HMGA2: variants seen among roughly 807,000 people sequenced by gnomAD.
HMGA2 encodes high mobility group protein HMGI-C.
A neutral mutation model predicts 19.1 loss-of-function variants in HMGA2; 8 were observed. The ratio of observed to expected loss-of-function variants is 0.42; its 90% CI spans 0.25 to 0.76. HMGA2 has a LOEUF of 0.76. Ranked by LOEUF, HMGA2 falls within the 30% of genes least tolerant of loss-of-function variation. The pLI is 0.28. For synonymous variants in HMGA2, 60 were observed against 48.8 expected (o/e 1.23, Z -0.96); for missense variants, 109 against 136.3 (o/e 0.80, Z 1.00).
chr12:65,905,973 AAATATTCTTC>A (rs755984016), intron 3 of HMGA2, among the ~76,000 whole-genome samples: 37,502 of 152,084 alleles, frequency 0.25, 6,029 homozygotes, highest in African/African-American at 0.45. Context: ...CCAAGTCATT[AAATATTCTTC>A]TAAGTAACCA....
intron 3 of HMGA2, among the ~76,000 whole-genome samples, chr12:65,886,957 T>C (rs1873684105): frequency 6.6e-6 from 1 of 152,220 alleles, no homozygotes; most frequent in African/African-American, 2.4e-5. Flanking sequence ...TAAGCAAGAC[T>C]TGAACTACAG....
At chr12:65,900,064 T>C (rs961980136) in intron 3 of HMGA2, among the ~76,000 whole-genome samples, 1 of 152,238 alleles carries the variant, frequency 6.6e-6, no homozygotes, top group Non-Finnish European at 1.5e-5. Context: ...TATAACGACT[T>C]CATTATTTTA....
At chr12:65,876,767 C>T (rs1192612735) in intron 3 of HMGA2, 4 of 152,160 alleles carry the variant, frequency 2.6e-5, no homozygotes, top group East Asian at 1.9e-4. Context: ...AGACAGCCTC[C>T]GGAAACCATA....
chr12:65,844,577 T>A (rs1871155216), intron 3 of HMGA2, among the ~76,000 whole-genome samples: 1 of 152,250 alleles, frequency 6.6e-6, no homozygotes, highest in Non-Finnish European at 1.5e-5. Flanking sequence ...CATGTTTTGA[T>A]TCAATACTAA....
chr12:65,954,790 G>A (rs1442508300), intron 4 of HMGA2: 2 of 152,176 alleles, frequency 1.3e-5, no homozygotes, highest in African/African-American at 2.4e-5. Context: ...GGGAAAATCT[G>A]TAATATGTAC....
At chr12:65,915,999 C>T (rs964231409) in intron 3 of HMGA2, among the ~76,000 whole-genome samples, 1 of 152,170 alleles carries the variant, frequency 6.6e-6, no homozygotes, top group African/African-American at 2.4e-5. Flanking sequence ...ATAATCTACA[C>T]ACTAATAACC....
chr12:65,942,304 C>T (rs1206740843), intron 3 of HMGA2, among the ~76,000 whole-genome samples: 2 of 152,098 alleles, frequency 1.3e-5, no homozygotes, highest in Non-Finnish European at 2.9e-5. Context: ...TGTGCTGGCT[C>T]TTAAGCACAT....
intron 3 of HMGA2, among the ~76,000 whole-genome samples, chr12:65,883,031 C>T (rs1177512202): frequency 6.6e-6 from 1 of 152,212 alleles, no homozygotes. Flanking sequence ...GCCATGGCAT[C>T]TTCCCCGTTT....
chr12:65,838,511 A>G lies in HMGA2; in HGVS notation c.199-8A>G, dbSNP rs55674630. ...GAAAACTATAATGACTTCCTTTTTC[A>G]TTTGCAGAAAGCAGAAGCCACTGGA... On this transcript the variant is annotated splice_region_variant and splice_polypyrimidine_tract_variant and intron_variant, in intron 2 of 4. Transcript: ENST00000403681. 2,702 of 1,608,958 alleles carry G rather than the reference A, an allele frequency of 1.7e-3. 49 individuals carry two copies. The African/African-American group carries it at 0.033, about 20-fold the overall frequency.
At chr12:65,915,033 G>A (rs769550841) in intron 3 of HMGA2, 33 of 1,612,726 alleles carry the variant, frequency 2.0e-5, no homozygotes, top group Non-Finnish European at 2.7e-5. Flanking sequence ...CATGCCATAT[G>A]CCCCATCCTG....
intron 3 of HMGA2, among the ~76,000 whole-genome samples, chr12:65,849,734 G>GTTTTTTTTTTTTTTTTTTTTTTTT (rs1309933646): frequency 9.8e-6 from 1 of 102,036 alleles, no homozygotes; most frequent in African/African-American, 5.9e-5. Context: ...GGTAGGCTCT[G>GTTTTTTTTTTTTTTTTTTTTTTTT]TATTTTTTTT....
intron 3 of HMGA2, chr12:65,914,968 C>T: frequency 1.3e-6 from 2 of 1,560,502 alleles, no homozygotes; most frequent in Middle Eastern, 1.7e-4. Context: ...AGCCATCGTG[C>T]CTGGTCTAAA....
chr12:65,853,735 T>G (rs1337460531), intron 3 of HMGA2, among the ~76,000 whole-genome samples: 3 of 152,192 alleles, frequency 2.0e-5, no homozygotes, highest in Non-Finnish European at 4.4e-5. Context: ...CCCTTCCTGG[T>G]CTAGGCAGCT....
intron 3 of HMGA2, among the ~76,000 whole-genome samples, chr12:65,868,284 C>T (rs530941691): frequency 6.6e-6 from 1 of 152,214 alleles, no homozygotes; most frequent in South Asian, 2.1e-4. Context: ...CTTGCAGTAT[C>T]ACGTTTCTGA....
chr12:65,939,970 GACAATAACAC>G (rs1876036317), intron 3 of HMGA2, among the ~76,000 whole-genome samples: 1 of 152,156 alleles, frequency 6.6e-6, no homozygotes, highest in South Asian at 2.1e-4. Context: ...TTTGGTCACA[GACAATAACAC>G]ATAATACATG....
At chr12:65,876,625 C>T (rs1873046307) in intron 3 of HMGA2, among the ~76,000 whole-genome samples, 1 of 152,178 alleles carries the variant, frequency 6.6e-6, no homozygotes, top group African/African-American at 2.4e-5. Context: ...AATTTCTGGC[C>T]TCTGATTTTT....
At chr12:65,874,931 C>G (rs905931018) in intron 3 of HMGA2, among the ~76,000 whole-genome samples, 4 of 152,140 alleles carry the variant, frequency 2.6e-5, no homozygotes, top group Non-Finnish European at 5.9e-5. Flanking sequence ...AAATTGGGAT[C>G]TCACACATCT....
At chr12:65,839,298 A>G (rs1870892264) in intron 3 of HMGA2, among the ~76,000 whole-genome samples, 2 of 151,970 alleles carry the variant, frequency 1.3e-5, no homozygotes, top group East Asian at 1.9e-4. Flanking sequence ...TGTGTTACCC[A>G]TGTTCTTCTG....
At chr12:65,850,197 T>C (rs186484817) in intron 3 of HMGA2, among the ~76,000 whole-genome samples, 1 of 152,284 alleles carries the variant, frequency 6.6e-6, no homozygotes, top group East Asian at 1.9e-4. Context: ...AATAGGTAAT[T>C]TTTTCTAACA....
Sources: allele counts gnomAD v4.1 joint callset (sites outside exome capture counted in the v4.1 genomes callset), GRCh38; gene constraint gnomAD v4.1.1; transcripts MANE v1.5; gene names NCBI Gene and HGNC (gene_info 2026-07-23, HGNC 2026-07-21).